AIM2: variants seen among roughly 807,000 people sequenced by gnomAD.
AIM2 encodes interferon-inducible protein AIM2.
In AIM2, 30 loss-of-function variants were observed where a neutral mutation model predicts 27.7. The observed-to-expected ratio is 1.08, with a 90% confidence interval of 0.81 to 1.47. The LOEUF is 1.47. AIM2 is among the 40% of genes most tolerant of loss of function. The pLI, the probability that AIM2 is intolerant of heterozygous loss-of-function variation, is 0.00. For synonymous variants in AIM2, 141 were observed against 145.3 expected, an observed-to-expected ratio of 0.97 and a Z score of 0.21; for missense variants, 358 against 411.3, an observed-to-expected ratio of 0.87 and a Z score of 1.12.
At chr1:159,098,253 T>C (rs561069253) in intron 1 of AIM2, among the ~76,000 whole-genome samples, 1 of 152,248 alleles carries the variant, frequency 6.6e-6, no homozygotes, top group Admixed American at 6.5e-5. Context: ...TTTCTTCATA[T>C]TGTCGGCACA....
chr1:159,134,494 G>A (rs1383075808), intron 1 of AIM2, among the ~76,000 whole-genome samples: 2 of 152,192 alleles, frequency 1.3e-5, no homozygotes, highest in African/African-American at 4.8e-5. Context: ...CACTTCATGC[G>A]GCCTTCTCCC....
intron 1 of AIM2, among the ~76,000 whole-genome samples, chr1:159,120,874 C>T (rs1048020621): frequency 4.6e-5 from 7 of 152,190 alleles, no homozygotes; most frequent in Admixed American, 6.5e-5. Context: ...TACCCCACAA[C>T]AGAAAAACAA....
At chr1:159,142,673 A>C (rs1183642891), upstream of AIM2, among the ~76,000 whole-genome samples, 1 of 151,986 alleles carries the variant, frequency 6.6e-6, no homozygotes, top group Non-Finnish European at 1.5e-5. Context: ...ATATATAAAG[A>C]CCTCTATACC....
intron 1 of AIM2, among the ~76,000 whole-genome samples, chr1:159,102,572 C>A (rs1458936707): frequency 6.6e-6 from 1 of 152,254 alleles, no homozygotes; most frequent in African/African-American, 2.4e-5. Context: ...GGCGGGGGAG[C>A]TGTACCCTGC....
chr1:159,146,831 T>C (rs1648216846), intron 1 of AIM2, among the ~76,000 whole-genome samples: 1 of 152,182 alleles, frequency 6.6e-6, no homozygotes, highest in South Asian at 2.1e-4. Flanking sequence ...TTTGTTATTG[T>C]CAGCCCTTCA....
intron 1 of AIM2, among the ~76,000 whole-genome samples, chr1:159,099,338 A>T (rs534007594): frequency 1.3e-5 from 2 of 152,336 alleles, no homozygotes; most frequent in South Asian, 4.1e-4. Context: ...TTTATTGTTC[A>T]GAGAAGAAAA....
At chr1:159,074,546 G>C (rs74122255) in intron 1 of AIM2, among the ~76,000 whole-genome samples, 5,566 of 151,554 alleles carry the variant, frequency 0.037, 240 homozygotes, top group African/African-American at 0.1. Flanking sequence ...TTTGTAACTT[G>C]TTGCCAAAAT....
chr1:159,083,011 T>G (rs1656818133), intron 1 of AIM2, among the ~76,000 whole-genome samples: 1 of 152,126 alleles, frequency 6.6e-6, no homozygotes, highest in Non-Finnish European at 1.5e-5. Flanking sequence ...TGAGAGAAAT[T>G]TTACTGTTTT....
intron 1 of AIM2, among the ~76,000 whole-genome samples, chr1:159,097,134 A>G (rs1384612074): frequency 6.6e-6 from 1 of 152,024 alleles, no homozygotes; most frequent in African/African-American, 2.4e-5. Context: ...TCTCAGGCAA[A>G]CCGCTAAGTC....
intron 3 of AIM2, among the ~76,000 whole-genome samples, chr1:159,067,838 G>A (rs1240006567): frequency 6.6e-6 from 1 of 151,964 alleles, no homozygotes; most frequent in Non-Finnish European, 1.5e-5. Flanking sequence ...CATGTGTGGT[G>A]GATTCTGTGC....
At chr1:159,079,667 C>T (rs1656726886), upstream of AIM2, among the ~76,000 whole-genome samples, 2 of 152,160 alleles carry the variant, frequency 1.3e-5, no homozygotes, top group Non-Finnish European at 2.9e-5. Flanking sequence ...ATCAACATTC[C>T]CACCAGGGTG....
At chr1:159,145,530 C>A (rs777035612) in intron 1 of AIM2, among the ~76,000 whole-genome samples, 39 of 152,104 alleles carry the variant, frequency 2.6e-4, no homozygotes, top group Non-Finnish European at 3.4e-4. Context: ...AAATACGGAG[C>A]AAATTATCCT....
intron 1 of AIM2, among the ~76,000 whole-genome samples, chr1:159,095,299 T>G (rs894809155): frequency 1.3e-5 from 2 of 152,224 alleles, no homozygotes; most frequent in Non-Finnish European, 2.9e-5. Context: ...GTGAAATGAT[T>G]CAGCCATTTC....
intron 1 of AIM2, among the ~76,000 whole-genome samples, chr1:159,100,265 C>T (rs192767681): frequency 2.4e-4 from 36 of 152,298 alleles, no homozygotes; most frequent in African/African-American, 8.4e-4. Flanking sequence ...TACTGTTTCT[C>T]TACTGCAACT....
upstream of AIM2, among the ~76,000 whole-genome samples, chr1:159,143,625 C>T (rs1368122815): frequency 9.0e-6 from 1 of 110,800 alleles, no homozygotes; most frequent in African/African-American, 3.3e-5. Flanking sequence ...CACACACACA[C>T]ACACACTGCT....
intron 1 of AIM2, among the ~76,000 whole-genome samples, chr1:159,130,800 C>CCACACACACACA (rs10557540): frequency 1.4e-5 from 2 of 145,062 alleles, no homozygotes; most frequent in African/African-American, 5.2e-5. Context: ...AGCCTGGTCA[C>CCACACACACACA]CACACACACA....
chr1:159,107,013 T>C (rs1056343691), intron 1 of AIM2, among the ~76,000 whole-genome samples: 2 of 152,258 alleles, frequency 1.3e-5, no homozygotes, highest in African/African-American at 2.4e-5. Context: ...GATGCTTCTA[T>C]AGGATTATTT....
At chr1:159,075,085 A>T (rs545326019) in intron 1 of AIM2, among the ~76,000 whole-genome samples, 3 of 152,220 alleles carry the variant, frequency 2.0e-5, no homozygotes, top group Non-Finnish European at 2.9e-5. Context: ...TTAAATCAGT[A>T]TGGCAGTGGC....
rs569296392 is a variant in AIM2, at chr1:159,062,826, A to C, written c.1006-108T>G. 101 of 1,075,928 alleles carry C rather than the reference A, an allele frequency of 9.4e-5. No homozygotes were observed. In the African/African-American group the frequency reaches 1.4e-3, roughly 15 times the overall value. 66.6% of individuals were successfully genotyped at this position (1,075,928 alleles called of 1,614,324 possible). A position where few individuals can be genotyped will look rare whatever the true frequency, so the allele number is the denominator to read the frequency against. The stretch of plus-strand genomic sequence containing the variant: ...AAGTGTATGTATCATCTTCTCATAA[A>C]ATTATTTTGTTCCCACCCTTCTAAT... On this transcript the variant is annotated intron_variant, in intron 5 of 5. Coordinates refer to ENST00000368130, the MANE Select transcript of AIM2 (RefSeq NM_004833.3).
Sources: allele counts gnomAD v4.1 joint callset (sites outside exome capture counted in the v4.1 genomes callset), GRCh38; gene constraint gnomAD v4.1.1; transcripts MANE v1.5; gene names NCBI Gene and HGNC (gene_info 2026-07-23, HGNC 2026-07-21).